SNRPN: variants seen among roughly 807,000 people sequenced by gnomAD.
SNRPN encodes the protein small nuclear ribonucleoprotein-associated protein N.
In SNRPN, 7 loss-of-function variants were observed where a neutral mutation model predicts 25.2. That is an observed-to-expected ratio of 0.28 (90% CI 0.16 to 0.52). The LOEUF (loss-of-function observed/expected upper bound fraction) is 0.52. Ranked by LOEUF, SNRPN falls within the 20% of genes least tolerant of loss-of-function variation. The pLI is 0.96. For synonymous variants in SNRPN, 124 were observed against 110.6 expected (o/e 1.12, Z -0.76); for missense variants, 196 against 322.5 (o/e 0.61, Z 3.00).
At chr15:24,941,029 T>G (rs2061518325) in intron 3 of SNRPN, among the ~76,000 whole-genome samples, 1 of 152,182 alleles carries the variant, frequency 6.6e-6, no homozygotes, top group African/African-American at 2.4e-5. Context: ...CAGGCTGGAG[T>G]GCAGTGGCAC....
intron 2 of SNRPN, chr15:24,849,822 A>G (rs535605814): frequency 2.6e-5 from 4 of 152,254 alleles, no homozygotes; most frequent in Non-Finnish European, 5.9e-5. Context: ...GATCTGTGTC[A>G]AACGACTATA....
intron 1 of SNRPN, among the ~76,000 whole-genome samples, chr15:24,866,347 T>C (rs1372150643): frequency 1.3e-5 from 2 of 152,182 alleles, no homozygotes; most frequent in Non-Finnish European, 2.9e-5. Flanking sequence ...AACATGTGTA[T>C]TACCTCACAT....
intron 1 of SNRPN, among the ~76,000 whole-genome samples, chr15:24,828,411 G>T (rs574093671): frequency 6.6e-6 from 1 of 152,030 alleles, no homozygotes; most frequent in South Asian, 2.1e-4. Context: ...TGTCATTGAT[G>T]CCACCAGGGT....
chr15:24,942,864 C>T (rs544059276), intron 3 of SNRPN, among the ~76,000 whole-genome samples: 4 of 152,240 alleles, frequency 2.6e-5, no homozygotes, highest in South Asian at 2.1e-4. Flanking sequence ...CAAACCCATG[C>T]GTAACCTTCA....
intron 1 of SNRPN, among the ~76,000 whole-genome samples, chr15:24,826,402 T>G (rs35816817): frequency 0.15 from 22,549 of 152,162 alleles, 1,895 homozygotes; most frequent in Non-Finnish European, 0.19. Context: ...CATGGCTGCC[T>G]CACATTCCTC....
chr15:24,915,069 C>T (rs2059429695), intron 2 of SNRPN, among the ~76,000 whole-genome samples: 1 of 151,868 alleles, frequency 6.6e-6, no homozygotes. Flanking sequence ...GGAAGATGAA[C>T]CTGATCAGAT....
At chr15:24,943,803 A>G (rs2061709737) in intron 3 of SNRPN, among the ~76,000 whole-genome samples, 2 of 151,978 alleles carry the variant, frequency 1.3e-5, no homozygotes, top group Admixed American at 6.6e-5. Flanking sequence ...CACTTCAAGC[A>G]TTATTGGTTC....
intron 2 of SNRPN, among the ~76,000 whole-genome samples, chr15:24,888,971 G>A (rs935343228): frequency 6.6e-6 from 1 of 151,766 alleles, no homozygotes; most frequent in African/African-American, 2.4e-5. Context: ...AGGCTGGAGT[G>A]CTGTGGCACA....
At chr15:24,928,253 G>A (rs1345955984) in intron 3 of SNRPN, among the ~76,000 whole-genome samples, 1 of 152,074 alleles carries the variant, frequency 6.6e-6, no homozygotes, top group African/African-American at 2.4e-5. Context: ...TTAAATCAGT[G>A]TATTGAAGAG....
At chr15:24,834,669 C>G (rs1051158013) in intron 2 of SNRPN, among the ~76,000 whole-genome samples, 6 of 149,438 alleles carry the variant, frequency 4.0e-5, no homozygotes, top group African/African-American at 1.5e-4. Flanking sequence ...GAGCTGTGAT[C>G]ATGATCAGGT....
chr15:24,842,464 C>T (rs1178248573), intron 2 of SNRPN, among the ~76,000 whole-genome samples: 2 of 152,168 alleles, frequency 1.3e-5, no homozygotes, highest in African/African-American at 4.8e-5. Context: ...TCCCCAAAGG[C>T]TCAAGAAGGG....
At chr15:24,978,037 G>T in intron 8 of SNRPN, 121 bp downstream of exon 8, 1 of 1,217,156 alleles carries the variant, frequency 8.2e-7, no homozygotes, top group Non-Finnish European at 1.2e-6. Flanking sequence ...CTAGATACTG[G>T]TTTTTAATGA....
intron 2 of SNRPN, 120 bp from the exon 3 acceptor site, chr15:24,967,812 A>G (rs2075877117): frequency 2.8e-5 from 18 of 632,594 alleles, no homozygotes; most frequent in African/African-American, 5.7e-5. Context: ...TGTCTGGAAA[A>G]AAAAAAAAAA....
intron 2 of SNRPN, among the ~76,000 whole-genome samples, chr15:24,963,062 C>G (rs1393897340): frequency 1.3e-5 from 2 of 152,020 alleles, no homozygotes; most frequent in East Asian, 1.9e-4. Flanking sequence ...CAGACCTTGT[C>G]CTATGCATTG....
intron 2 of SNRPN, among the ~76,000 whole-genome samples, chr15:24,832,886 C>A (rs1250869682): frequency 1.3e-5 from 2 of 151,778 alleles, no homozygotes; most frequent in Non-Finnish European, 2.9e-5. Context: ...GCGGGCGGAC[C>A]ACGAGGTCAG....
At chr15:24,844,958 T>C (rs1397476888) in intron 2 of SNRPN, among the ~76,000 whole-genome samples, 1 of 152,212 alleles carries the variant, frequency 6.6e-6, no homozygotes, top group African/African-American at 2.4e-5. Flanking sequence ...TTTATATCTG[T>C]GGTATTTTGA....
At chr15:24,887,517 G>C (rs572566598) in intron 2 of SNRPN, among the ~76,000 whole-genome samples, 1 of 151,264 alleles carries the variant, frequency 6.6e-6, no homozygotes, top group African/African-American at 2.4e-5. Flanking sequence ...ATTATAATAG[G>C]TTTGGGTTGG....
chr15:24,853,168 C>G (rs184018875), upstream of SNRPN, among the ~76,000 whole-genome samples: 947 of 152,184 alleles, frequency 6.2e-3, 11 homozygotes, highest in Non-Finnish European at 9.5e-3. Flanking sequence ...TAGTGTGTTA[C>G]GCTTGTTACA....
intron 1 of SNRPN, among the ~76,000 whole-genome samples, chr15:24,863,020 G>A (rs1163112168): frequency 1.3e-5 from 2 of 150,976 alleles, no homozygotes; most frequent in Non-Finnish European, 2.9e-5. Flanking sequence ...GCCTTCTGTG[G>A]GGAGGAGTTC....
Sources: allele counts gnomAD v4.1 joint callset (sites outside exome capture counted in the v4.1 genomes callset), GRCh38; gene constraint gnomAD v4.1.1; transcripts MANE v1.5; gene names NCBI Gene and HGNC (gene_info 2026-07-23, HGNC 2026-07-21).